Variants in SPOCK1 observed in about 807,000 individuals in gnomAD.
The protein encoded by SPOCK1 is testican-1.
A neutral mutation model predicts 55.3 loss-of-function variants in SPOCK1; 23 were observed. The ratio of observed to expected loss-of-function variants is 0.42; its 90% CI spans 0.30 to 0.59. The LOEUF (loss-of-function observed/expected upper bound fraction) is 0.59, where lower values mean the gene tolerates loss of function less well. Ranked by LOEUF, SPOCK1 falls within the 20% of genes least tolerant of loss-of-function variation. The pLI, the probability that SPOCK1 is intolerant of heterozygous loss-of-function variation, is 0.22. For synonymous variants in SPOCK1, 226 were observed against 221.0 expected, an observed-to-expected ratio of 1.02 and a Z score of -0.20; for missense variants, 499 against 552.5, an observed-to-expected ratio of 0.90 and a Z score of 0.97.
chr5:137,260,015 T>G (rs942322933), intron 3 of SPOCK1, among the ~76,000 whole-genome samples: 7 of 152,244 alleles, frequency 4.6e-5, no homozygotes, highest in African/African-American at 1.7e-4. Flanking sequence ...TTTTCCTTTA[T>G]GAGAAAACAT....
chr5:137,018,952 A>G (rs551321377), intron 6 of SPOCK1, among the ~76,000 whole-genome samples: 1 of 152,340 alleles, frequency 6.6e-6, no homozygotes, highest in South Asian at 2.1e-4. Context: ...GGCAACGAGC[A>G]AATGCTCTAG....
intron 5 of SPOCK1, among the ~76,000 whole-genome samples, chr5:137,096,905 T>G (rs1753158897): frequency 6.6e-6 from 1 of 152,118 alleles, no homozygotes; most frequent in Non-Finnish European, 1.5e-5. Flanking sequence ...CAGGGTGATG[T>G]GTTGAAGCCT....
intron 6 of SPOCK1, among the ~76,000 whole-genome samples, chr5:137,022,199 G>A (rs1342572568): frequency 1.3e-5 from 2 of 152,098 alleles, no homozygotes; most frequent in Non-Finnish European, 2.9e-5. Flanking sequence ...AGCTCTGCCT[G>A]TCTCTGGACA....
At chr5:137,233,128 C>T (rs183183951) in intron 3 of SPOCK1, among the ~76,000 whole-genome samples, 128 of 152,252 alleles carry the variant, frequency 8.4e-4, no homozygotes, top group African/African-American at 3.0e-3. Flanking sequence ...TCATAGAAGA[C>T]AGTTTTTCCA....
chr5:137,283,226 G>A (rs1221183950), intron 2 of SPOCK1, among the ~76,000 whole-genome samples: 1 of 152,142 alleles, frequency 6.6e-6, no homozygotes, highest in Non-Finnish European at 1.5e-5. Flanking sequence ...TGGAGCTTCT[G>A]TGCCCTCATG....
At chr5:137,285,196 AT>A (rs1166670893) in intron 2 of SPOCK1, among the ~76,000 whole-genome samples, 1 of 152,154 alleles carries the variant, frequency 6.6e-6, no homozygotes. Flanking sequence ...TGCAAATTTG[AT>A]TTTGGTCATT....
intron 2 of SPOCK1, among the ~76,000 whole-genome samples, chr5:137,493,379 G>A (rs1295544479): frequency 1.3e-5 from 2 of 152,164 alleles, no homozygotes; most frequent in Admixed American, 6.5e-5. Flanking sequence ...CCACTTCTTG[G>A]TTTTGAAACT....
At chr5:137,379,527 AC>A (rs1034925616) in intron 2 of SPOCK1, among the ~76,000 whole-genome samples, 5 of 18,978 alleles carry the variant, frequency 2.6e-4, no homozygotes, top group East Asian at 2.6e-3. Flanking sequence ...CTTAATACCC[AC>A]CCCCCCACCC....
At chr5:137,313,362 G>A (rs1017535365) in intron 2 of SPOCK1, 8 of 967,812 alleles carry the variant, frequency 8.3e-6, no homozygotes, top group Non-Finnish European at 7.4e-6. Flanking sequence ...GCCAGACATT[G>A]ACAGGACAAA....
At chr5:137,215,618 C>A (rs1364198469) in intron 3 of SPOCK1, among the ~76,000 whole-genome samples, 1 of 152,092 alleles carries the variant, frequency 6.6e-6, no homozygotes, top group Non-Finnish European at 1.5e-5. Flanking sequence ...AAGATGAAAC[C>A]TAAGACTTCA....
intron 2 of SPOCK1, among the ~76,000 whole-genome samples, chr5:137,437,278 C>T (rs917455462): frequency 6.6e-6 from 1 of 152,072 alleles, no homozygotes; most frequent in African/African-American, 2.4e-5. Context: ...GGAGCTGAGC[C>T]AAGACAGAGA....
rs563919350 is a variant in SPOCK1 at position 137,498,377 on chromosome 5, C to A, written c.182G>T (p.Arg61Leu). 1.9e-6 allele frequency: 3 copies of A among 1,598,440 alleles called. No homozygotes were observed. Among genetic ancestry groups the A allele is most frequent in the East Asian group, 2.3e-5 (1 of 43,906 alleles). Residue 61 changes from arginine to leucine, a missense_variant, in exon 2 of 11, where the codon CGA (arginine) becomes CTA (leucine). Arg to Leu is a moderately radical substitution (Grantham distance 102). Transcript: ENST00000394945. ...CCGGGTGGCGCCGGTACTCACGTCTCGAAAGCGGTTCCAGTACTTGTCCCG... is the reference window on the plus strand; with the variant it reads ...CCGGGTGGCGCCGGTACTCACGTCTAGAAAGCGGTTCCAGTACTTGTCCCG... ...YDRDKYWNRF[R>L]DDDYFRNWNP...
At chr5:137,140,761 T>TTC in intron 3 of SPOCK1, 67 bp from the exon 4 acceptor site, 8 of 1,122,362 alleles carry the variant, frequency 7.1e-6, no homozygotes, top group Admixed American at 3.1e-5. Flanking sequence ...TTTTTTTTTT[T>TTC]TTTTTTTTTT....
intron 3 of SPOCK1, among the ~76,000 whole-genome samples, chr5:137,257,601 T>G (rs1331108147): frequency 6.6e-6 from 1 of 152,200 alleles, no homozygotes; most frequent in East Asian, 1.9e-4. Context: ...TCTATGGTGT[T>G]AGAACAGAAG....
chr5:137,128,423 T>C (rs1358519531), intron 4 of SPOCK1, among the ~76,000 whole-genome samples: 1 of 152,206 alleles, frequency 6.6e-6, no homozygotes, highest in Non-Finnish European at 1.5e-5. Context: ...CAAGGATTGT[T>C]CCCCCATCTG....
chr5:137,250,532 G>T (rs1439171328), intron 3 of SPOCK1, among the ~76,000 whole-genome samples: 2 of 152,136 alleles, frequency 1.3e-5, no homozygotes, highest in Non-Finnish European at 2.9e-5. Flanking sequence ...TCATAGAAGT[G>T]GGGGAAGCCC....
intron 6 of SPOCK1, among the ~76,000 whole-genome samples, chr5:137,029,000 G>T (rs1005319264): frequency 6.6e-6 from 1 of 152,104 alleles, no homozygotes; most frequent in African/African-American, 2.4e-5. Context: ...TAGCCAGGGT[G>T]GTGGTGGGGG....
At chr5:137,324,735 T>A (rs1758044923) in intron 2 of SPOCK1, among the ~76,000 whole-genome samples, 1 of 152,022 alleles carries the variant, frequency 6.6e-6, no homozygotes, top group South Asian at 2.1e-4. Context: ...AATGGTACAA[T>A]TAAAATTTCA....
Position 137,498,488 on chromosome 5 carries a change from A to T in SPOCK1, c.71T>A (p.Leu24Gln). 6.3e-7 allele frequency: 1 copy of T among 1,594,888 alleles called. No individual in the cohort carries two copies. Among genetic ancestry groups the T allele is most frequent in the Non-Finnish European group, 8.5e-7 (1 of 1,173,512 alleles). ...GCCCGCGCCTCCGGCGAGCGCGTCC[A>T]GGTGCCGGCTCTCGACTTGGAGGAA... ...WCFLQVESRH[L>Q]DALAGGAGPN... is the part of the protein sequence containing the mutation. Residue 24 changes from leucine to glutamine, a missense_variant, in exon 2 of 11, where the codon CTG (leucine) becomes CAG (glutamine). By Grantham distance (113) the Leu-to-Gln change is moderately radical (BLOSUM62 -2). Coordinates refer to ENST00000394945, the MANE Select transcript of SPOCK1 (RefSeq NM_004598.4).
Sources: allele counts gnomAD v4.1 joint callset (sites outside exome capture counted in the v4.1 genomes callset), GRCh38; gene constraint gnomAD v4.1.1; transcripts MANE v1.5; gene names NCBI Gene and HGNC (gene_info 2026-07-23, HGNC 2026-07-21).